XKR7: variants seen among roughly 807,000 people sequenced by gnomAD.
XKR7 encodes the protein XK-related protein 7.
Under a neutral mutation model 42.2 loss-of-function variants are expected in XKR7, and 11 were observed. The observed-to-expected ratio is 0.26, with a 90% CI of 0.16 to 0.43. The LOEUF is 0.43. Ranked by LOEUF, XKR7 falls within the 20% of genes least tolerant of loss-of-function variation. The probability of loss-of-function intolerance (pLI) is 1.00; values close to 1 mark genes in which losing one functional copy is unlikely to be tolerated. For missense variants in XKR7, 710 were observed against 802.2 expected (o/e 0.89, Z 1.39); for synonymous variants, 346 against 366.4 (o/e 0.94, Z 0.64).
rs996400914 is a variant in XKR7, at chr20:31,996,025, G to A, written c.788-480G>A. 5.3e-5 allele frequency among the ~76,000 whole-genome samples: 8 copies of A among 151,014 alleles called. No homozygotes were observed. The South Asian group carries it at 6.3e-4, about 12-fold the overall frequency. ...TCCCACCTTGGGTCTCCCCATCCCC[G>A]CCCCTCAGCTCTGCTCAGCTCAGCT... On this transcript the variant is annotated intron_variant, in intron 2 of 2. Coordinates refer to ENST00000562532, the MANE Select transcript of XKR7 (RefSeq NM_001011718.2).
chr20:31,990,664 T>C (rs6089140), intron 1 of XKR7, among the ~76,000 whole-genome samples: 65,017 of 152,200 alleles, frequency 0.43, 16,530 homozygotes, highest in African/African-American at 0.71. Flanking sequence ...TATATATGAC[T>C]AGATAAAAGC....
chr20:31,991,821 T>C (rs1286520016), intron 1 of XKR7, among the ~76,000 whole-genome samples: 1 of 152,162 alleles, frequency 6.6e-6, no homozygotes, highest in Non-Finnish European at 1.5e-5. Flanking sequence ...AACCCATGCT[T>C]TAAAACTGAG....
chr20:31,972,575 G>A (rs1336901124), intron 1 of XKR7, among the ~76,000 whole-genome samples: 1 of 152,280 alleles, frequency 6.6e-6, no homozygotes, highest in African/African-American at 2.4e-5. Context: ...TGACCCTGTA[G>A]GCAGCAGAGC....
chr20:31,989,988 C>T (rs1239909791), intron 1 of XKR7, among the ~76,000 whole-genome samples: 1 of 152,112 alleles, frequency 6.6e-6, no homozygotes, highest in Non-Finnish European at 1.5e-5. Flanking sequence ...TGGTGTTCTT[C>T]CCTTGGGTGA....
At chr20:31,975,070 C>T (rs749341705) in intron 1 of XKR7, among the ~76,000 whole-genome samples, 24 of 152,106 alleles carry the variant, frequency 1.6e-4, no homozygotes, top group Admixed American at 7.2e-4. Context: ...GGAGGGCTGC[C>T]AGGAAATGGC....
rs1209327941 is a variant in XKR7, at chr20:32,000,123, C to T, written c.*2666C>T. The T allele has an allele frequency of 6.6e-6, 1 of 152,308 alleles. No homozygotes were observed. The highest frequency in any genetic ancestry group is 2.4e-5 in the African/African-American group (1 of 41,434). The allele number at this position is 152,308 out of a possible 1,614,324, so 9.4% of individuals were successfully genotyped here. On this transcript the variant is annotated 3_prime_UTR_variant, in exon 3 of 3. Transcript: ENST00000562532. ...GGGAGAGGGCTGCAGGCACCTCCTC[C>T]TGCTTCTCACCCTCAGAAGAGTCTC...
intron 1 of XKR7, among the ~76,000 whole-genome samples, chr20:31,984,252 A>C (rs2064527052): frequency 1.6e-5 from 2 of 128,596 alleles, no homozygotes. Flanking sequence ...CAAGAGTGAG[A>C]CTCCATTTCA....
chr20:31,997,469 C>T lies in XKR7; in HGVS notation c.*12C>T, dbSNP rs757494890. ...AGACCACAGTGTAGGCTACAGTGTC[C>T]CAGCACAAAAGGGACAGGCTTGGCT... On this transcript the variant is annotated 3_prime_UTR_variant, in exon 3 of 3. Coordinates refer to ENST00000562532, the MANE Select transcript of XKR7 (RefSeq NM_001011718.2). The T allele has an allele frequency of 1.8e-5, 29 of 1,577,120 alleles. No homozygotes were observed. Among genetic ancestry groups the T allele is most frequent in the Non-Finnish European group, 2.4e-5 (28 of 1,166,556 alleles).
At position 31,997,838 on chromosome 20, in the gene XKR7, G is replaced by GT. The variant is rs1243574709; in HGVS notation, c.*382dup. The GT allele has an allele frequency of 4.4e-6, 1 of 226,224 alleles. No individual in the cohort carries two copies. Among genetic ancestry groups the GT allele is most frequent in the African/African-American group, 2.3e-5 (1 of 44,110 alleles). The allele number at this position is 226,224 out of a possible 1,614,324, so 14.0% of individuals were successfully genotyped here. On this transcript the variant is annotated 3_prime_UTR_variant, in exon 3 of 3. Coordinates refer to ENST00000562532, the MANE Select transcript of XKR7 (RefSeq NM_001011718.2). ...GTCTGGGGTCCATGACCTAGACCCT[G>GT]TGCTCCTCAGGGGTTGTGGAGAGTG...
intron 1 of XKR7, among the ~76,000 whole-genome samples, chr20:31,971,221 G>C (rs1020895060): frequency 2.6e-5 from 4 of 152,216 alleles, no homozygotes; most frequent in Non-Finnish European, 5.9e-5. Flanking sequence ...GGCTGGATTC[G>C]GGGGTGGTCT....
chr20:31,992,648 A>G (rs1292849164), intron 1 of XKR7, among the ~76,000 whole-genome samples: 1 of 152,166 alleles, frequency 6.6e-6, no homozygotes, highest in Non-Finnish European at 1.5e-5. Context: ...CTGGCTGCCA[A>G]TCCTGTCATG....
In XKR7 at chr20:31,999,317, G is replaced by A. The variant is rs192160836; in HGVS notation, c.*1860G>A. On this transcript the variant is annotated 3_prime_UTR_variant, in exon 3 of 3. Transcript: ENST00000562532. ...AATGATGAATTGCTGGGGATGCAGG[G>A]TAACCCCAAAGGCAGGGAGGGCCAG... 2.4e-3 allele frequency: 370 copies of A among 152,254 alleles called. No individual in the cohort carries two copies. The highest frequency in any genetic ancestry group is 3.4e-3 in the Non-Finnish European group (233 of 68,056). 9.4% of individuals were successfully genotyped at this position (152,254 alleles called of 1,614,324 possible). A position where few individuals can be genotyped will look rare whatever the true frequency, so the allele number is the denominator to read the frequency against.
At chr20:31,987,154 A>G (rs2064545869) in intron 1 of XKR7, among the ~76,000 whole-genome samples, 1 of 151,360 alleles carries the variant, frequency 6.6e-6, no homozygotes, top group Non-Finnish European at 1.5e-5. Flanking sequence ...CAGACCCAGC[A>G]TCCAAGACAC....
intron 1 of XKR7, among the ~76,000 whole-genome samples, chr20:31,980,160 G>C (rs549227202): frequency 8.0e-5 from 12 of 149,742 alleles, no homozygotes; most frequent in African/African-American, 2.5e-4. Context: ...AAGAGGTGCT[G>C]TGACTCTGTA....
At position 31,996,742 on chromosome 20, in the gene XKR7, G is replaced by T; in HGVS notation, c.1025G>T (p.Trp342Leu). 6.2e-7 allele frequency: 1 copy of T among 1,613,978 alleles called. No homozygotes were observed. Among genetic ancestry groups the T allele is most frequent in the Non-Finnish European group, 8.5e-7 (1 of 1,179,962 alleles). The change falls in exon 3 of 3, where the codon TGG becomes TTG. Residue 342 changes from tryptophan (W) to leucine (L), a missense_variant. Trp to Leu is a moderately conservative substitution (Grantham distance 61). Coordinates refer to ENST00000562532, the MANE Select transcript of XKR7 (RefSeq NM_001011718.2). ...IVAHWCVMTFWVIQGETDFCM... is the reference protein window; with the variant it reads ...IVAHWCVMTFLVIQGETDFCM... ...GCCCACTGGTGCGTCATGACCTTCT[G>T]GGTCATCCAAGGGGAGACGGACTTC...
rs970903074 is a variant in XKR7 at position 31,997,644 on chromosome 20, C to G, written c.*187C>G. ...TTGCGGAGGCCCCAGCCCTGGGCCC[C>G]GTTTTCAGCCTTGTGGCCCATTCCC... is the stretch of plus-strand genomic sequence containing the variant. On this transcript the variant is annotated 3_prime_UTR_variant, in exon 3 of 3. Transcript: ENST00000562532. 5.0e-6 allele frequency: 3 copies of G among 598,568 alleles called. No homozygotes were observed. The African/African-American group carries it at 5.6e-5, about 11-fold the overall frequency. 37.1% of individuals were successfully genotyped at this position (598,568 alleles called of 1,614,324 possible).
intron 1 of XKR7, among the ~76,000 whole-genome samples, chr20:31,991,176 C>T (rs1398305626): frequency 6.6e-6 from 1 of 152,186 alleles, no homozygotes; most frequent in East Asian, 1.9e-4. Context: ...CTCATGCTGA[C>T]CCGGGCCCGG....
At chr20:31,976,063 C>T (rs1039622245) in intron 1 of XKR7, among the ~76,000 whole-genome samples, 1 of 152,214 alleles carries the variant, frequency 6.6e-6, no homozygotes, top group African/African-American at 2.4e-5. Flanking sequence ...ATAACAATCC[C>T]TACCCAGGTC....
At chr20:31,974,121 A>G (rs6089134) in intron 1 of XKR7, among the ~76,000 whole-genome samples, 17,421 of 152,184 alleles carry the variant, frequency 0.11, 1,106 homozygotes, top group Non-Finnish European at 0.14. Flanking sequence ...TGAACCTGGC[A>G]GGTGGAGGTT....
Sources: gnomAD v4.1 joint callset for allele counts (sites outside exome capture counted in the v4.1 genomes callset) on GRCh38, gnomAD v4.1.1 for gene constraint, MANE v1.5 for transcripts, NCBI Gene and HGNC (gene_info 2026-07-23, HGNC 2026-07-21) for gene names.